The following TBC1D10B variants were observed in gnomAD, a reference collection of about 807,000 sequenced individuals.
The protein encoded by TBC1D10B is TBC1 domain family member 10B, also known as Rab27A-GAPbeta.
A neutral mutation model predicts 78.4 loss-of-function variants in TBC1D10B; 25 were observed. The observed-to-expected ratio is 0.32, with a 90% confidence interval of 0.23 to 0.45. TBC1D10B has a LOEUF of 0.45. TBC1D10B is among the 20% of genes least tolerant of loss of function. The pLI is 1.00. For synonymous variants in TBC1D10B, 517 were observed against 478.0 expected, an observed-to-expected ratio of 1.08 and a Z score of -1.06; for missense variants, 996 against 1,104.8, an observed-to-expected ratio of 0.90 and a Z score of 1.40.
chr16:30,358,429 G>A lies in TBC1D10B; in HGVS notation c.1942C>T (p.Arg648Trp), dbSNP rs368162016. The A allele has an allele frequency of 5.9e-5, 94 of 1,583,554 alleles. No homozygotes were observed. Among genetic ancestry groups the A allele is most frequent in the Middle Eastern group, 1.7e-4 (1 of 6,032 alleles). Residue 648 changes from arginine to tryptophan, a missense_variant, in exon 9 of 9, where the codon CGG becomes TGG. Arg to Trp is a moderately radical substitution (Grantham distance 101, BLOSUM62 -3). This residue lies in a region of TBC1D10B where 285 missense variants were observed against 252.5 expected (regional missense o/e 1.13). Transcript: ENST00000409939. ...GSRAIHEERRRQQPPLGPSSS... is the reference protein window; with the variant it reads ...GSRAIHEERRWQQPPLGPSSS... Reference sequence around the variant, plus strand: ...GAGGGGCCCAGGGGTGGCTGTTGCCGCCGGCGCTCCTCGTGGATGGCCCGG... The same window carrying A: ...GAGGGGCCCAGGGGTGGCTGTTGCCACCGGCGCTCCTCGTGGATGGCCCGG...
chr16:30,358,005 G>A lies in TBC1D10B; in HGVS notation c.2366C>T (p.Pro789Leu). 3 of 1,551,760 alleles carry A rather than the reference G, an allele frequency of 1.9e-6. No individual in the cohort carries two copies. The highest frequency in any genetic ancestry group is 1.7e-6 in the Non-Finnish European group (2 of 1,147,004). Residue 789 changes from proline (P) to leucine (L), a missense_variant, in exon 9 of 9, where the codon CCA becomes CTA. Pro to Leu is a moderately conservative substitution (Grantham distance 98, BLOSUM62 -3). Coordinates refer to ENST00000409939, the MANE Select transcript of TBC1D10B (RefSeq NM_015527.4). ...CCTGTCCCCACCATCATGGGGGCCTGGGGGCCCATCTGCCTTTCGACGCAG... is the reference window on the plus strand; with the variant it reads ...CCTGTCCCCACCATCATGGGGGCCTAGGGGCCCATCTGCCTTTCGACGCAG... The part of the protein sequence containing the change: ...LSLRRKADGP[P>L]GPHDGGDRPS...
Position 30,365,661 on chromosome 16 carries a change from C to T in TBC1D10B, c.957-67G>A. ...TGTAAAACCTGCATTGCAGGGGGAA[C>T]TGAGGCAAGCCACCTCCCCAAGCTC... is the stretch of plus-strand genomic sequence containing the variant. On this transcript the variant is annotated intron_variant, in intron 1 of 8. Transcript: ENST00000409939. This position sits in a 1 kb window ranked among gnomAD's most constrained non-coding sequence, Gnocchi z 5.0. 1 of 1,458,964 alleles carries T rather than the reference C, an allele frequency of 6.9e-7. No homozygotes were observed. Among genetic ancestry groups the T allele is most frequent in the Non-Finnish European group, 9.6e-7 (1 of 1,046,690 alleles). The allele number at this position is 1,458,964 out of a possible 1,614,324, so 90.4% of individuals were successfully genotyped here.
chr16:30,368,410 C>T (rs2049653593), intron 1 of TBC1D10B, among the ~76,000 whole-genome samples: 1 of 152,168 alleles, frequency 6.6e-6, no homozygotes, highest in African/African-American at 2.4e-5. Context: ...CTTGAAAGGA[C>T]TATTTTATCC....
chr16:30,357,462 C>A lies in TBC1D10B; in HGVS notation c.*482G>T. 5.6e-6 allele frequency: 1 copy of A among 177,782 alleles called. No homozygotes were observed. The highest frequency in any genetic ancestry group is 1.4e-4 in the East Asian group (1 of 7,114). The allele number at this position is 177,782 out of a possible 1,614,324, so 11.0% of individuals were successfully genotyped here. ...AGAAGACAAAGCGAGCACCCCCACC[C>A]CAGGCCAACGCCATCCTCTGTACAC... On this transcript the variant is annotated 3_prime_UTR_variant, in exon 9 of 9. Coordinates refer to ENST00000409939, the MANE Select transcript of TBC1D10B (RefSeq NM_015527.4).
At position 30,370,426 on chromosome 16, in the gene TBC1D10B, T is replaced by TGC. The variant is rs1180488661; in HGVS notation, c.-245_-244dup. On this transcript the variant is annotated 5_prime_UTR_variant, in exon 1 of 9. Transcript: ENST00000409939. Reference sequence around the variant, plus strand: ...GCTCTCGCCACCGCCCCCTCCCTCCTGCTTGGGGGCGAGCCGCCGACCTCG... The same window carrying TGC: ...GCTCTCGCCACCGCCCCCTCCCTCCTGCGCTTGGGGGCGAGCCGCCGACCTCG... Among the ~76,000 whole-genome samples, 2 of 151,852 alleles carry TGC rather than the reference T, an allele frequency of 1.3e-5. No individual in the cohort carries two copies. Among genetic ancestry groups the TGC allele is most frequent in the African/African-American group, 4.8e-5 (2 of 41,478 alleles).
chr16:30,359,526 C>G lies in TBC1D10B; in HGVS notation c.1452+12G>C, dbSNP rs2151100776. 1 of 1,556,376 alleles carries G rather than the reference C, an allele frequency of 6.4e-7. No homozygotes were observed. Among genetic ancestry groups the G allele is most frequent in the Non-Finnish European group, 8.7e-7 (1 of 1,149,836 alleles). On this transcript the variant is annotated intron_variant, in intron 6 of 8. Transcript: ENST00000409939. ...CCACAGCCCCGGATGCACCCAGCCT[C>G]CAGACACTCACCAGCCCTGCACTGT...
At position 30,359,611 on chromosome 16, in the gene TBC1D10B, G is replaced by A. The variant is rs774154589; in HGVS notation, c.1387-8C>T. 1 of 1,559,694 alleles carries A rather than the reference G, an allele frequency of 6.4e-7. No individual in the cohort carries two copies. The highest frequency in any genetic ancestry group is 1.9e-5 in the Admixed American group (1 of 51,688). ...CAGGCACCAAAAGGCTTGCTGAGAA[G>A]AGCAAGAACAAGGAGGAGGGGTGGG... is the stretch of plus-strand genomic sequence containing the variant. On this transcript the variant is annotated splice_polypyrimidine_tract_variant and splice_region_variant and intron_variant, in intron 5 of 8. Transcript: ENST00000409939.
rs1227694092 is a variant in TBC1D10B at position 30,358,184 on chromosome 16, C to A, written c.2187G>T (p.Gln729His). ...KETRKQEKERQKQEKERQKQE... is the reference protein window; with the variant it reads ...KETRKQEKERHKQEKERQKQE... ...GTTTCTGCCGCTCCTTCTCCTGTTT[C>A]TGCCGCTCCTTCTCCTGCTTCCGGG... The change falls in exon 9 of 9, where the codon CAG (glutamine) becomes CAT (histidine). Residue 729 changes from glutamine to histidine, a missense_variant. Gln to His is a conservative substitution (Grantham distance 24). Around this residue, in one of 5 missense-constraint regions of TBC1D10B, gnomAD observed 285 missense variants for 252.5 expected, o/e 1.13. Transcript: ENST00000409939. The A allele has an allele frequency of 6.4e-7, 1 of 1,552,428 alleles. No homozygotes were observed. The highest frequency in any genetic ancestry group is 1.4e-5 in the African/African-American group (1 of 73,192).
At position 30,365,196 on chromosome 16, in the gene TBC1D10B, C is replaced by T. The variant is rs780442393; in HGVS notation, c.1073G>A (p.Arg358Gln). Residue 358 changes from arginine to glutamine, a missense_variant, in exon 3 of 9, where the codon CGG becomes CAG. Transcript: ENST00000409939. This position sits in a 1 kb window ranked among gnomAD's most constrained non-coding sequence, Gnocchi z 5.0. ...TCTGAGAGAGGAGGGGATCCCCTTCCGGCAGCGCAGCTTCACCTAAGGCAA... is the reference window on the plus strand; with the variant it reads ...TCTGAGAGAGGAGGGGATCCCCTTCTGGCAGCGCAGCTTCACCTAAGGCAA... ...RRFQKVKLRC[R>Q]KGIPSSLRAK... 3.7e-6 allele frequency: 6 copies of T among 1,613,900 alleles called. No homozygotes were observed. The highest frequency in any genetic ancestry group is 1.1e-5 in the South Asian group (1 of 91,080).
intron 4 of TBC1D10B, among the ~76,000 whole-genome samples, chr16:30,361,522 C>G (rs1337266269): frequency 6.6e-6 from 1 of 151,612 alleles, no homozygotes; most frequent in Non-Finnish European, 1.5e-5. Context: ...CTCTGTCTCC[C>G]AGGTTCACGC....
At chr16:30,368,294 C>A (rs990955214) in intron 1 of TBC1D10B, among the ~76,000 whole-genome samples, 1 of 152,214 alleles carries the variant, frequency 6.6e-6, no homozygotes, top group Admixed American at 6.5e-5. Flanking sequence ...TGACTCCCTG[C>A]TCTAGGTGCC....
chr16:30,370,108 G>C lies in TBC1D10B; in HGVS notation c.76C>G (p.Arg26Gly), dbSNP rs1162465089. ...GAPAAPSPPP[R>G]GSRAGPVVVV... is the part of the protein sequence containing the mutation. ...ACGACGGGCCCGGCCCGGGAACCCC[G>C]GGGCGGCGGCGAGGGGGCCGCGGGG... Residue 26 changes from arginine to glycine, a missense_variant, in exon 1 of 9, where the codon CGG (arginine) becomes GGG (glycine). By Grantham distance (125) the Arg-to-Gly change is moderately radical. Transcript: ENST00000409939. The C allele has an allele frequency of 8.2e-7, 1 of 1,220,724 alleles. No homozygotes were observed. 75.6% of individuals were successfully genotyped at this position (1,220,724 alleles called of 1,614,324 possible).
Position 30,358,667 on chromosome 16 carries a change from T to C in TBC1D10B, c.1793A>G (p.His598Arg). The stretch of plus-strand genomic sequence containing the variant: ...GCGTTGAGGGCACAGGCCTACCTCA[T>C]GCACCAGGAAGTCTTCCTGCATGCA... ...QQCMQEDFLVHEVTNLPVTEA... is the reference protein window; with the variant it reads ...QQCMQEDFLVREVTNLPVTEA... Residue 598 changes from histidine (H) to arginine (R), a missense_variant, in exon 8 of 9, where the codon CAT becomes CGT. Around this residue, in one of 5 missense-constraint regions of TBC1D10B, gnomAD observed 168 missense variants for 238.7 expected, o/e 0.70. Transcript: ENST00000409939. 6.2e-7 allele frequency: 1 copy of C among 1,604,594 alleles called. No homozygotes were observed. The highest frequency in any genetic ancestry group is 8.5e-7 in the Non-Finnish European group (1 of 1,173,240).
Position 30,369,929 on chromosome 16 carries a change from C to T in TBC1D10B, c.255G>A (p.Thr85=). The T allele has an allele frequency of 7.7e-7, 1 of 1,302,634 alleles. No individual in the cohort carries two copies. The highest frequency in any genetic ancestry group is 2.4e-5 in the South Asian group (1 of 41,848). The allele number at this position is 1,302,634 out of a possible 1,614,324, so 80.7% of individuals were successfully genotyped here. A position where few individuals can be genotyped will look rare whatever the true frequency, so the allele number is the denominator to read the frequency against. The change falls in exon 1 of 9, where the codon ACG becomes ACA. Residue 85 remains threonine, a synonymous_variant. Coordinates refer to ENST00000409939, the MANE Select transcript of TBC1D10B (RefSeq NM_015527.4). The surrounding 1 kb of genome is among the most constrained non-coding windows in gnomAD (Gnocchi z 4.3). ...GGGTCAGCACCACCACCGTGCTGCC[C>T]GTGACAGCCGGGGCTGGGGCCGGGG... The part of the protein sequence containing the change: ...APAPAPAPAV[T]GSTVVVLTLE...
In TBC1D10B at chr16:30,358,529, A is replaced by G. The variant is rs555070295; in HGVS notation, c.1842T>C (p.Asn614=). The G allele has an allele frequency of 1.9e-5, 31 of 1,610,672 alleles. No individual in the cohort carries two copies. In the Admixed American group the frequency reaches 2.7e-4, roughly 14 times the overall value. ...PVTEALIERE[N]AAQLKKWRET... ...CCCGCCACTTCTTGAGCTGGGCTGC[A>G]TTCTCCCGCTCAATCAGTGCTTCTG... Residue 614 remains asparagine (N), a synonymous_variant, in exon 9 of 9, where the codon AAT becomes AAC. Transcript: ENST00000409939.
chr16:30,369,644 G>A lies in TBC1D10B; in HGVS notation c.540C>T (p.Ala180=). Reference sequence around the variant, plus strand: ...ATGCACTCCGTGCAGTCACTCCTGAGGCCACTGTGGTTCCCGGCTTGGGGG... The same window carrying A: ...ATGCACTCCGTGCAGTCACTCCTGAAGCCACTGTGGTTCCCGGCTTGGGGG... ...PLAPKPGTTV[A]SGVTARSASG... is the part of the protein sequence containing the mutation. Residue 180 remains alanine, a synonymous_variant, in exon 1 of 9, where the codon GCC becomes GCT. Transcript: ENST00000409939. This position sits in a 1 kb window ranked among gnomAD's most constrained non-coding sequence, Gnocchi z 4.3. 3 of 1,533,818 alleles carry A rather than the reference G, an allele frequency of 2.0e-6. No homozygotes were observed. Among genetic ancestry groups the A allele is most frequent in the Non-Finnish European group, 1.8e-6 (2 of 1,137,926 alleles).
At chr16:30,362,106 C>T (rs1326396030) in intron 4 of TBC1D10B, among the ~76,000 whole-genome samples, 8 of 152,140 alleles carry the variant, frequency 5.3e-5, no homozygotes, top group Admixed American at 5.2e-4. Flanking sequence ...GCCTCGGCCT[C>T]CCAATGTGCT....
chr16:30,365,311 C>A lies in TBC1D10B; in HGVS notation c.1057-99G>T. 2 of 1,268,846 alleles carry A rather than the reference C, an allele frequency of 1.6e-6. No individual in the cohort carries two copies. The highest frequency in any genetic ancestry group is 1.3e-5 in the South Asian group (1 of 79,332). The allele number at this position is 1,268,846 out of a possible 1,614,324, so 78.6% of individuals were successfully genotyped here. A position where few individuals can be genotyped will look rare whatever the true frequency, so the allele number is the denominator to read the frequency against. On this transcript the variant is annotated intron_variant, in intron 2 of 8. Transcript: ENST00000409939. The surrounding 1 kb of genome is among the most constrained non-coding windows in gnomAD (Gnocchi z 5.0). ...AACTCCCTGGATACTCCTCCGACATCCCATAGGCTTGATTCCACTGGACCT... is the reference window on the plus strand; with the variant it reads ...AACTCCCTGGATACTCCTCCGACATACCATAGGCTTGATTCCACTGGACCT...
At chr16:30,359,455 C>A in intron 6 of TBC1D10B, 83 bp downstream of exon 6, 7 of 1,547,724 alleles carry the variant, frequency 4.5e-6, no homozygotes, top group Non-Finnish European at 6.1e-6. Flanking sequence ...GCCGGGAAGG[C>A]CAGGGTGGGG....
Sources: allele counts gnomAD v4.1 joint callset (sites outside exome capture counted in the v4.1 genomes callset), GRCh38; gene constraint gnomAD v4.1.1; regional missense constraint gnomAD v4.1.1; non-coding constraint Gnocchi (gnomAD v3.1); transcripts MANE v1.5; gene names NCBI Gene and HGNC (gene_info 2026-07-23, HGNC 2026-07-21).